The following C12orf42 variants were observed in gnomAD, a reference collection of about 807,000 sequenced individuals.
C12orf42 encodes uncharacterized protein C12orf42.
Under a neutral mutation model 21.6 loss-of-function variants are expected in C12orf42, and 25 were observed. That is an observed-to-expected ratio of 1.16 (90% confidence interval 0.84 to 1.62). The LOEUF is 1.62. C12orf42 is among the 40% of genes most tolerant of loss of function. The probability of loss-of-function intolerance (pLI) is 0.00; values close to 1 mark genes in which losing one functional copy is unlikely to be tolerated. For missense variants in C12orf42, 483 were observed against 459.3 expected (o/e 1.05, Z -0.47); for synonymous variants, 174 against 175.0 (o/e 0.99, Z 0.05).
chr12:103,089,619 CTGTGTGTGTG>C, the C12orf42 span, among the ~76,000 whole-genome samples: 17 of 145,482 alleles, frequency 1.2e-4, no homozygotes, highest in African/African-American at 2.5e-4. Context: ...GTGTGTGTGT[CTGTGTGTGTG>C]TGTGTGTGTG....
the C12orf42 span, among the ~76,000 whole-genome samples, chr12:103,552,810 C>T: frequency 6.6e-6 from 1 of 152,246 alleles, no homozygotes; most frequent in Middle Eastern, 3.4e-3. Flanking sequence ...CATTGACTCA[C>T]AGTTCCACAT....
At chr12:103,257,853 A>G (rs1383255262) in intron 10 of C12orf42, among the ~76,000 whole-genome samples, 1 of 152,038 alleles carries the variant, frequency 6.6e-6, no homozygotes, top group Non-Finnish European at 1.5e-5. Flanking sequence ...CAACATATTG[A>G]AACAACATAC....
At chr12:103,102,689 T>G in the C12orf42 span, among the ~76,000 whole-genome samples, 1 of 152,252 alleles carries the variant, frequency 6.6e-6, no homozygotes, top group South Asian at 2.1e-4. Context: ...ATGTATAAAG[T>G]TAGCACAAAT....
At chr12:103,224,575 T>C in the C12orf42 span, among the ~76,000 whole-genome samples, 2 of 152,162 alleles carry the variant, frequency 1.3e-5, no homozygotes, top group Admixed American at 6.5e-5. Context: ...GATTGAAGTC[T>C]GGGCCAGGAA....
intron 4 of C12orf42, among the ~76,000 whole-genome samples, chr12:103,320,644 A>G (rs972955732): frequency 3.5e-4 from 54 of 152,320 alleles, no homozygotes; most frequent in African/African-American, 1.3e-3. Flanking sequence ...GTGCTTAGAG[A>G]CGGTTCTACA....
chr12:103,540,306 G>A, the C12orf42 span, among the ~76,000 whole-genome samples: 1 of 152,038 alleles, frequency 6.6e-6, no homozygotes, highest in African/African-American at 2.4e-5. Flanking sequence ...GCGCCCGGCC[G>A]AGGTCATGTT....
At chr12:103,513,170 A>G in the C12orf42 span, among the ~76,000 whole-genome samples, 1 of 152,090 alleles carries the variant, frequency 6.6e-6, no homozygotes, top group Non-Finnish European at 1.5e-5. Context: ...CTGGCACTGT[A>G]AATGGTTCAG....
At chr12:103,414,297 CT>C (rs1412961601) in intron 2 of C12orf42, among the ~76,000 whole-genome samples, 1 of 151,866 alleles carries the variant, frequency 6.6e-6, no homozygotes, top group African/African-American at 2.4e-5. Context: ...TGAGAACTGT[CT>C]ATTTATGTCC....
the C12orf42 span, among the ~76,000 whole-genome samples, chr12:103,071,886 C>A: frequency 6.6e-6 from 1 of 152,066 alleles, no homozygotes; most frequent in Non-Finnish European, 1.5e-5. Context: ...TTAGTGTTTT[C>A]TTTTGGTAAA....
chr12:103,164,125 T>C, the C12orf42 span, among the ~76,000 whole-genome samples: 2 of 152,174 alleles, frequency 1.3e-5, no homozygotes, highest in Non-Finnish European at 2.9e-5. Flanking sequence ...ATGTATCGTT[T>C]CTCTTCTCAA....
upstream of C12orf42, among the ~76,000 whole-genome samples, chr12:103,497,972 T>C (rs1593042704): frequency 6.6e-6 from 1 of 151,580 alleles, no homozygotes; most frequent in Admixed American, 6.6e-5. Flanking sequence ...GAGGCAGAGG[T>C]TGCAGTGAGC....
At chr12:103,152,416 T>C in the C12orf42 span, among the ~76,000 whole-genome samples, 4 of 152,188 alleles carry the variant, frequency 2.6e-5, no homozygotes, top group African/African-American at 9.6e-5. Flanking sequence ...TTGCAGACCT[T>C]CCTGAGATCA....
At chr12:103,141,787 C>T in the C12orf42 span, among the ~76,000 whole-genome samples, 1 of 152,236 alleles carries the variant, frequency 6.6e-6, no homozygotes, top group East Asian at 1.9e-4. Context: ...GCTTCAGCCT[C>T]CCAAATTGCT....
chr12:103,138,039 C>T, the C12orf42 span, among the ~76,000 whole-genome samples: 1 of 152,132 alleles, frequency 6.6e-6, no homozygotes, highest in Non-Finnish European at 1.5e-5. Flanking sequence ...GATCCCAACA[C>T]ATAGAAATAA....
At chr12:103,550,693 ATTTC>A in the C12orf42 span, 1 of 152,102 alleles carries the variant, frequency 6.6e-6, no homozygotes, top group Non-Finnish European at 1.5e-5. Context: ...TCTCATTATT[ATTTC>A]TATTTCTTTG....
the C12orf42 span, among the ~76,000 whole-genome samples, chr12:103,145,254 T>A: frequency 1.3e-5 from 2 of 152,206 alleles, no homozygotes; most frequent in African/African-American, 4.8e-5. Flanking sequence ...AATAATCCTA[T>A]TCTTACTCCA....
chr12:103,271,810 T>C (rs190864405), intron 5 of C12orf42, among the ~76,000 whole-genome samples: 250 of 152,306 alleles, frequency 1.6e-3, no homozygotes, highest in African/African-American at 5.6e-3. Flanking sequence ...TTTCATTTGA[T>C]TGGCTTTTAC....
chr12:103,325,474 A>G (rs1262312957), intron 4 of C12orf42, among the ~76,000 whole-genome samples: 6 of 152,182 alleles, frequency 3.9e-5, no homozygotes, highest in Admixed American at 3.3e-4. Flanking sequence ...TGGCCACTTT[A>G]CCATTTAGAA....
intron 2 of C12orf42, among the ~76,000 whole-genome samples, chr12:103,477,465 G>C (rs1295838331): frequency 6.6e-6 from 1 of 152,090 alleles, no homozygotes; most frequent in Non-Finnish European, 1.5e-5. Context: ...CTAATGCCTA[G>C]AACCTGTGAA....
Sources: gnomAD v4.1 joint callset for allele counts (sites outside exome capture counted in the v4.1 genomes callset) on GRCh38, gnomAD v4.1.1 for gene constraint, MANE v1.5 for transcripts, NCBI Gene and HGNC (gene_info 2026-07-23, HGNC 2026-07-21) for gene names.